GALNTL6: variants seen among roughly 807,000 people sequenced by gnomAD.
The protein encoded by GALNTL6 is polypeptide N-acetylgalactosaminyltransferase like 6, also known as polypeptide N-acetylgalactosaminyltransferase-like 6.
GALNTL6 carries 46 observed loss-of-function variants against 73.7 expected under a neutral mutation model. That is an observed-to-expected ratio of 0.62 (90% confidence interval 0.49 to 0.80). The LOEUF (loss-of-function observed/expected upper bound fraction) is 0.80. Ranked by LOEUF, GALNTL6 falls within the 30% of genes least tolerant of loss-of-function variation. The probability of loss-of-function intolerance (pLI) is 0.00; values close to 1 mark genes in which losing one functional copy is unlikely to be tolerated. For synonymous variants in GALNTL6, 259 were observed against 263.7 expected (o/e 0.98, Z 0.17); for missense variants, 604 against 755.0 (o/e 0.80, Z 2.34).
chr4:173,032,841 G>A (rs529568371), intron 12 of GALNTL6, among the ~76,000 whole-genome samples: 2 of 151,958 alleles, frequency 1.3e-5, no homozygotes, highest in South Asian at 4.2e-4. Flanking sequence ...CATGATCCCG[G>A]CTGCTCTCAG....
rs536040150 is a variant in GALNTL6 at position 172,047,124 on chromosome 4, G to A, written c.139-182532G>A. ...TGAAAATGAACGTCTGTTTTCCTTT[G>A]AAACTTGCGCTCACTTCCTTTAATT... On this transcript the variant is annotated intron_variant, in intron 2 of 12. Coordinates refer to ENST00000506823, the MANE Select transcript of GALNTL6 (RefSeq NM_001034845.3). 6.3e-4 allele frequency among the ~76,000 whole-genome samples: 96 copies of A among 152,210 alleles called. 1 individual carries two copies. The South Asian group carries it at 0.011, about 17-fold the overall frequency.
intron 2 of GALNTL6, among the ~76,000 whole-genome samples, chr4:171,826,803 A>C (rs1458207245): frequency 1.3e-5 from 2 of 151,996 alleles, no homozygotes; most frequent in Non-Finnish European, 2.9e-5. Context: ...AGAGAGTAGA[A>C]CAGGAAAACA....
chr4:172,201,738 T>A (rs897713432), intron 2 of GALNTL6, among the ~76,000 whole-genome samples: 1 of 152,152 alleles, frequency 6.6e-6, no homozygotes, highest in South Asian at 2.1e-4. Context: ...GCACATAAAA[T>A]GGCAATTACA....
At chr4:172,054,458 G>A (rs72986512) in intron 2 of GALNTL6, among the ~76,000 whole-genome samples, 9,452 of 152,192 alleles carry the variant, frequency 0.062, 440 homozygotes, top group East Asian at 0.24. Context: ...ATAAACACTT[G>A]TCACAGCTCT....
At chr4:172,794,302 G>A (rs1277834120) in intron 5 of GALNTL6, among the ~76,000 whole-genome samples, 1 of 152,178 alleles carries the variant, frequency 6.6e-6, no homozygotes, top group Non-Finnish European at 1.5e-5. Flanking sequence ...TAAGCAAAAT[G>A]TCCTGGAAAT....
intron 4 of GALNTL6, among the ~76,000 whole-genome samples, chr4:172,323,972 T>C (rs1184830881): frequency 6.6e-6 from 1 of 152,032 alleles, no homozygotes; most frequent in African/African-American, 2.4e-5. Context: ...CATCACTATT[T>C]CAGGGAATTC....
chr4:172,871,718 CAA>C (rs1483256709), intron 7 of GALNTL6, among the ~76,000 whole-genome samples: 5 of 151,586 alleles, frequency 3.3e-5, no homozygotes, highest in Admixed American at 6.6e-5. Context: ...AATTCTTTCT[CAA>C]TGATCAGTTT....
intron 5 of GALNTL6, among the ~76,000 whole-genome samples, chr4:172,379,835 T>G (rs1743211391): frequency 6.6e-6 from 1 of 152,154 alleles, no homozygotes; most frequent in Admixed American, 6.5e-5. Flanking sequence ...ACTTCTAGCC[T>G]CTGCTCATAC....
chr4:172,635,064 A>G (rs1036584862), intron 5 of GALNTL6, among the ~76,000 whole-genome samples: 1 of 152,206 alleles, frequency 6.6e-6, no homozygotes, highest in East Asian at 1.9e-4. Flanking sequence ...CAAAGTCATA[A>G]TTGTAATTTT....
intron 8 of GALNTL6, among the ~76,000 whole-genome samples, chr4:172,914,072 T>TG (rs1031999202): frequency 1.3e-5 from 2 of 151,526 alleles, no homozygotes; most frequent in African/African-American, 2.4e-5. Flanking sequence ...GCCAGAAGGT[T>TG]GGGGGGGTGG....
In GALNTL6 at chr4:172,342,279, A is replaced by G. The variant is rs373214381; in HGVS notation, c.387-6244A>G. The stretch of plus-strand genomic sequence containing the variant: ...ATATAATTTAATTAATTTAATTAGT[A>G]TAAAGATGCCTTAAAGGGCCAATGA... On this transcript the variant is annotated intron_variant, in intron 4 of 12. Transcript: ENST00000506823. Among the ~76,000 whole-genome samples, 13 of 152,148 alleles carry G rather than the reference A, an allele frequency of 8.5e-5. No individual in the cohort carries two copies. In the East Asian group the frequency reaches 1.5e-3, roughly 18 times the overall value.
At chr4:172,086,543 C>T (rs1383829182) in intron 2 of GALNTL6, among the ~76,000 whole-genome samples, 1 of 151,858 alleles carries the variant, frequency 6.6e-6, no homozygotes, top group African/African-American at 2.4e-5. Context: ...CCTAACTGTT[C>T]TAAAATAAGA....
chr4:172,965,631 AC>A (rs982480629), intron 10 of GALNTL6, among the ~76,000 whole-genome samples: 17 of 144,764 alleles, frequency 1.2e-4, no homozygotes, highest in Admixed American at 8.7e-4. Flanking sequence ...AAAAAAAAAA[AC>A]AATTTTAATT....
intron 2 of GALNTL6, among the ~76,000 whole-genome samples, chr4:171,942,916 C>G (rs1421025951): frequency 6.6e-6 from 1 of 152,156 alleles, no homozygotes; most frequent in Non-Finnish European, 1.5e-5. Context: ...ATGGCACAGC[C>G]CAGCCCTCAA....
chr4:173,012,171 T>C (rs1387818316), intron 11 of GALNTL6, among the ~76,000 whole-genome samples: 2 of 152,190 alleles, frequency 1.3e-5, no homozygotes, highest in Non-Finnish European at 2.9e-5. Context: ...TCATCTCTTA[T>C]GAAAAGCAAA....
intron 10 of GALNTL6, among the ~76,000 whole-genome samples, chr4:172,954,762 C>T (rs1032862692): frequency 6.6e-6 from 1 of 152,154 alleles, no homozygotes; most frequent in African/African-American, 2.4e-5. Context: ...GCCACCACAC[C>T]CGGCAACAGA....
intron 2 of GALNTL6, among the ~76,000 whole-genome samples, chr4:172,044,777 G>C (rs1405890161): frequency 1.3e-5 from 2 of 151,942 alleles, no homozygotes; most frequent in Non-Finnish European, 2.9e-5. Flanking sequence ...TTGAAATTGT[G>C]ATAATTTCAA....
In GALNTL6 at chr4:171,893,987, G is replaced by C. The variant is rs1035886567; in HGVS notation, c.138+79269G>C. 3.2e-5 allele frequency among the ~76,000 whole-genome samples: 4 copies of C among 123,794 alleles called. No individual in the cohort carries two copies. The South Asian group carries it at 1.1e-3, about 33-fold the overall frequency. The allele number at this position is 123,794 out of a possible 152,430, so 81.2% of individuals were successfully genotyped here. ...CCCCTCTCTAGCCAAAGAGCTTGGG[G>C]TTGAAACTAAACCAGAACACATCAT... is the stretch of plus-strand genomic sequence containing the variant. On this transcript the variant is annotated intron_variant, in intron 2 of 12. Coordinates refer to ENST00000506823, the MANE Select transcript of GALNTL6 (RefSeq NM_001034845.3).
chr4:172,513,394 C>G (rs893859640), intron 5 of GALNTL6, among the ~76,000 whole-genome samples: 2 of 152,200 alleles, frequency 1.3e-5, no homozygotes, highest in African/African-American at 4.8e-5. Context: ...GCTTAATAAT[C>G]GAACTTCTGA....
Sources: allele counts gnomAD v4.1 joint callset (sites outside exome capture counted in the v4.1 genomes callset), GRCh38; gene constraint gnomAD v4.1.1; transcripts MANE v1.5; gene names NCBI Gene and HGNC (gene_info 2026-07-23, HGNC 2026-07-21).